The following ZNF430 variants were observed in gnomAD, a reference collection of about 807,000 sequenced individuals.
The protein encoded by ZNF430 is zinc finger protein 430.
In ZNF430, 35 loss-of-function variants were observed where a neutral mutation model predicts 56.7. That is an observed-to-expected ratio of 0.62 (90% confidence interval 0.47 to 0.82). The LOEUF (loss-of-function observed/expected upper bound fraction) is 0.82. Ranked by LOEUF, ZNF430 falls within the 40% of genes least tolerant of loss-of-function variation. The pLI is 0.00. For synonymous variants in ZNF430, 212 were observed against 224.3 expected, an observed-to-expected ratio of 0.94 and a Z score of 0.49; for missense variants, 574 against 661.0, an observed-to-expected ratio of 0.87 and a Z score of 1.44.
At chr19:21,050,152 G>T (rs1442815425) in intron 4 of ZNF430, among the ~76,000 whole-genome samples, 1 of 151,436 alleles carries the variant, frequency 6.6e-6, no homozygotes, top group Admixed American at 6.6e-5. Context: ...CCAAAGTGCT[G>T]GGATTACAGG....
At chr19:21,056,275 G>A (rs1305093453) in intron 4 of ZNF430, among the ~76,000 whole-genome samples, 1 of 152,102 alleles carries the variant, frequency 6.6e-6, no homozygotes, top group Non-Finnish European at 1.5e-5. Context: ...CATCATCTGA[G>A]GTCAGGAGTT....
At position 21,022,958 on chromosome 19, in the gene ZNF430, A is replaced by T. The variant is rs1003111895; in HGVS notation, c.96+77A>T. 26 of 1,074,226 alleles carry T rather than the reference A, an allele frequency of 2.4e-5. No individual in the cohort carries two copies. The Admixed American group carries it at 3.1e-4, about 13-fold the overall frequency. 66.5% of individuals were successfully genotyped at this position (1,074,226 alleles called of 1,614,324 possible). On this transcript the variant is annotated intron_variant, in intron 2 of 4. Transcript: ENST00000261560. ...TTGGAGACACATTGCTGGTCAACCA[A>T]TCAGACTGTGGCATTGAGGGGAAAA...
intron 4 of ZNF430, among the ~76,000 whole-genome samples, chr19:21,049,173 C>CAAAAAAAAAAA (rs746043747): frequency 6.1e-5 from 4 of 65,240 alleles, no homozygotes; most frequent in Non-Finnish European, 9.8e-5. Context: ...GACTCCATCT[C>CAAAAAAAAAAA]AAAAAAAAAA....
Position 21,056,918 on chromosome 19 carries a change from C to A in ZNF430, c.610C>A (p.Pro204Thr). The A allele has an allele frequency of 1.2e-6, 2 of 1,612,808 alleles. No individual in the cohort carries two copies. Among genetic ancestry groups the A allele is most frequent in the South Asian group, 1.1e-5 (1 of 90,806 alleles). Residue 204 changes from proline to threonine, a missense_variant, in exon 5 of 5, where the codon CCT (proline) becomes ACT (threonine). Physicochemically the swap from Pro to Thr is conservative, Grantham distance 38. Transcript: ENST00000261560. Reference sequence around the variant, plus strand: ...AAAGATAAGACATACTGGAAAGAAGCCTTTCAAATGTAAAAAATGTGACAA... The same window carrying A: ...AAAGATAAGACATACTGGAAAGAAGACTTTCAAATGTAAAAAATGTGACAA... Reference protein sequence around the residue: ...IQKIRHTGKKPFKCKKCDKSF... With the variant: ...IQKIRHTGKKTFKCKKCDKSF...
In ZNF430 at chr19:21,059,300, T is replaced by C. The variant is rs1968430153; in HGVS notation, c.*1279T>C. On this transcript the variant is annotated 3_prime_UTR_variant, in exon 5 of 5. Coordinates refer to ENST00000261560, the MANE Select transcript of ZNF430 (RefSeq NM_025189.4). ...TGGCTCACACCTGTAATCCAGCACT[T>C]TGGGAGGCCGAGAAGGGTGGATCAC... 1 of 152,116 alleles carries C rather than the reference T, an allele frequency of 6.6e-6. No homozygotes were observed. Among genetic ancestry groups the C allele is most frequent in the Non-Finnish European group, 1.5e-5 (1 of 68,050 alleles). The allele number at this position is 152,116 out of a possible 1,614,324, so 9.4% of individuals were successfully genotyped here. A position where few individuals can be genotyped will look rare whatever the true frequency, so the allele number is the denominator to read the frequency against.
chr19:21,047,895 T>C (rs1356146342), intron 4 of ZNF430, among the ~76,000 whole-genome samples: 1 of 152,178 alleles, frequency 6.6e-6, no homozygotes, highest in Non-Finnish European at 1.5e-5. Flanking sequence ...TGAGGGAAAT[T>C]CCATACATCT....
chr19:21,042,060 G>A (rs940963585), intron 4 of ZNF430, among the ~76,000 whole-genome samples: 6 of 152,144 alleles, frequency 3.9e-5, no homozygotes, highest in African/African-American at 1.2e-4. Context: ...AACATGTGGT[G>A]TTTGGTTTTG....
intron 4 of ZNF430, among the ~76,000 whole-genome samples, chr19:21,055,689 A>C (rs1248560634): frequency 6.6e-6 from 1 of 152,076 alleles, no homozygotes; most frequent in Non-Finnish European, 1.5e-5. Flanking sequence ...TGTGACCTCA[A>C]GTGATCCGCC....
chr19:21,033,526 A>G lies in ZNF430; in HGVS notation c.167A>G (p.Gln56Arg). 6.2e-7 allele frequency: 1 copy of G among 1,612,082 alleles called. No homozygotes were observed. Among genetic ancestry groups the G allele is most frequent in the Non-Finnish European group, 8.5e-7 (1 of 1,178,992 alleles). ...GAGTGGCAATGCCTGGACACTGCTCAGCAGGATTTGTATAGAAAAGTGATG... is the reference window on the plus strand; with the variant it reads ...GAGTGGCAATGCCTGGACACTGCTCGGCAGGATTTGTATAGAAAAGTGATG... ...LEEWQCLDTA[Q>R]QDLYRKVMLE... Residue 56 changes from glutamine (Q) to arginine (R), a missense_variant, in exon 3 of 5, where the codon CAG (glutamine) becomes CGG (arginine). Gln to Arg is a conservative substitution (Grantham distance 43). Coordinates refer to ENST00000261560, the MANE Select transcript of ZNF430 (RefSeq NM_025189.4).
chr19:21,020,890 C>G, intron 1 of ZNF430, 87 bp downstream of exon 1: 2 of 1,568,318 alleles, frequency 1.3e-6, no homozygotes, highest in Non-Finnish European at 8.8e-7. Flanking sequence ...TCAGGCCTCC[C>G]GGCAGTCAGC....
chr19:21,050,291 T>A (rs1160329586), intron 4 of ZNF430, among the ~76,000 whole-genome samples: 1 of 152,232 alleles, frequency 6.6e-6, no homozygotes, highest in Non-Finnish European at 1.5e-5. Context: ...TTTATATTTT[T>A]ATGTTATATA....
intron 4 of ZNF430, 74 bp downstream of exon 4, chr19:21,034,258 T>C (rs1245330189): frequency 2.7e-6 from 3 of 1,131,032 alleles, no homozygotes; most frequent in Admixed American, 4.8e-5. Flanking sequence ...CTTAAAATGT[T>C]ATTTGAGAAT....
intron 2 of ZNF430, among the ~76,000 whole-genome samples, chr19:21,029,654 C>T (rs142276886): frequency 0.012 from 1,813 of 152,218 alleles, 22 homozygotes; most frequent in Middle Eastern, 0.024. Flanking sequence ...AGCCTTACCT[C>T]ACAAAACTGA....
intron 4 of ZNF430, among the ~76,000 whole-genome samples, chr19:21,039,154 GGC>G (rs1461925914): frequency 2.0e-5 from 3 of 152,102 alleles, no homozygotes; most frequent in Non-Finnish European, 2.9e-5. Flanking sequence ...TTCACATGTT[GGC>G]CAGGCTGGTC....
chr19:21,022,534 T>G (rs908391511), intron 1 of ZNF430, among the ~76,000 whole-genome samples: 2 of 152,186 alleles, frequency 1.3e-5, no homozygotes, highest in Non-Finnish European at 2.9e-5. Flanking sequence ...AATAATCCCC[T>G]GACACTGTGT....
intron 4 of ZNF430, among the ~76,000 whole-genome samples, chr19:21,043,130 T>G (rs1968136078): frequency 6.6e-6 from 1 of 152,166 alleles, no homozygotes; most frequent in African/African-American, 2.4e-5. Context: ...TTAATTAGAT[T>G]CTATTTGTCA....
chr19:21,045,789 C>G (rs1029023183), intron 4 of ZNF430, among the ~76,000 whole-genome samples: 28 of 152,214 alleles, frequency 1.8e-4, no homozygotes, highest in African/African-American at 5.8e-4. Flanking sequence ...ATGTAATGCC[C>G]TTCTTTTTCT....
rs1370607910 is a variant in ZNF430, at chr19:21,058,380, G to T, written c.*359G>T. The T allele has an allele frequency of 1.0e-5, 2 of 190,720 alleles. No homozygotes were observed. The highest frequency in any genetic ancestry group is 1.4e-4 in the East Asian group (1 of 7,300). 11.8% of individuals were successfully genotyped at this position (190,720 alleles called of 1,614,324 possible). ...AATTGCTTGAACCCGGGAGGCAGAG[G>T]TTGAAGTGAGCTGAGATCGCGCCAT... On this transcript the variant is annotated 3_prime_UTR_variant, in exon 5 of 5. Coordinates refer to ENST00000261560, the MANE Select transcript of ZNF430 (RefSeq NM_025189.4).
chr19:21,055,912 G>A (rs1968367503), intron 4 of ZNF430, among the ~76,000 whole-genome samples: 1 of 152,116 alleles, frequency 6.6e-6, no homozygotes, highest in South Asian at 2.1e-4. Context: ...GATGTCATAG[G>A]AGACAGAAAC....
Sources: gnomAD v4.1 joint callset for allele counts (sites outside exome capture counted in the v4.1 genomes callset) on GRCh38, gnomAD v4.1.1 for gene constraint, MANE v1.5 for transcripts, NCBI Gene and HGNC (gene_info 2026-07-23, HGNC 2026-07-21) for gene names.